Variants in C8B observed in about 807,000 individuals in gnomAD.
The protein encoded by C8B is complement component C8 beta chain.
A neutral mutation model predicts 64.6 loss-of-function variants in C8B; 67 were observed. The observed-to-expected ratio is 1.04, with a 90% confidence interval of 0.85 to 1.27. The LOEUF (loss-of-function observed/expected upper bound fraction) is 1.27, where lower values mean the gene tolerates loss of function less well. Among genes scored for constraint, C8B ranks in the 50% most tolerant of loss-of-function variants. The pLI, the probability that C8B is intolerant of heterozygous loss-of-function variation, is 0.00. For missense variants in C8B, 790 were observed against 725.2 expected (o/e 1.09, Z -1.03); for synonymous variants, 284 against 257.7 (o/e 1.10, Z -0.98).
At chr1:56,964,517 C>T (rs1645224386) in intron 1 of C8B, among the ~76,000 whole-genome samples, 1 of 152,142 alleles carries the variant, frequency 6.6e-6, no homozygotes, top group Non-Finnish European at 1.5e-5. Flanking sequence ...TGTGCTGCTC[C>T]CTCTACCTGG....
Position 56,952,118 on chromosome 1 carries a change from C to A in C8B, c.596G>T (p.Gly199Val). The change falls in exon 5 of 12, where the codon GGA becomes GTA. Residue 199 changes from glycine to valine, a missense_variant. By Grantham distance (109) the Gly-to-Val change is moderately radical. Coordinates refer to ENST00000371237, the MANE Select transcript of C8B (RefSeq NM_000066.4). ...PVLDHRYYAG[G>V]CSPHYILNTR... ...GTTCAGGATGTAATGCGGGGAGCAT[C>A]CACCTGCATAATACCTGTGATCAAG... is the stretch of plus-strand genomic sequence containing the variant. The A allele has an allele frequency of 2.0e-5, 33 of 1,614,160 alleles. No homozygotes were observed. The highest frequency in any genetic ancestry group is 2.8e-5 in the Non-Finnish European group (33 of 1,180,020).
chr1:56,937,674 AT>A (rs372649227), intron 9 of C8B, among the ~76,000 whole-genome samples: 2 of 152,054 alleles, frequency 1.3e-5, no homozygotes, highest in South Asian at 4.1e-4. Flanking sequence ...AAAACAAATA[AT>A]TTTTTTTAGT....
chr1:56,957,367 A>G (rs1645118521), intron 2 of C8B, among the ~76,000 whole-genome samples: 1 of 152,228 alleles, frequency 6.6e-6, no homozygotes, highest in Non-Finnish European at 1.5e-5. Flanking sequence ...TCAGTATATT[A>G]TAAATGCAAA....
At chr1:56,946,515 T>G (rs1570389065) in intron 6 of C8B, among the ~76,000 whole-genome samples, 1 of 152,314 alleles carries the variant, frequency 6.6e-6, no homozygotes, top group East Asian at 1.9e-4. Flanking sequence ...AAATACAGCC[T>G]CATACCAAAC....
chr1:56,929,377 G>T lies in C8B; in HGVS notation c.*27C>A, dbSNP rs760572723. On this transcript the variant is annotated 3_prime_UTR_variant, in exon 12 of 12. Coordinates refer to ENST00000371237, the MANE Select transcript of C8B (RefSeq NM_000066.4). ...TTCTTGAGGGCTCAGGGCTCTCATT[G>T]TATGTAGCCCACTGCTGTATCATCT... 2 of 1,610,776 alleles carry T rather than the reference G, an allele frequency of 1.2e-6. No individual in the cohort carries two copies. The highest frequency in any genetic ancestry group is 1.7e-6 in the Non-Finnish European group (2 of 1,178,786).
At chr1:56,929,780 C>A (rs559439178) in intron 11 of C8B, among the ~76,000 whole-genome samples, 166 of 152,288 alleles carry the variant, frequency 1.1e-3, no homozygotes, top group African/African-American at 3.6e-3. Context: ...CTCCTCTACT[C>A]ACCTGGTCAA....
chr1:56,940,877 T>A lies in C8B; in HGVS notation c.1370A>T (p.Gln457Leu). The change falls in exon 9 of 12, where the codon CAG becomes CTG. Residue 457 changes from glutamine to leucine, a missense_variant. Coordinates refer to ENST00000371237, the MANE Select transcript of C8B (RefSeq NM_000066.4). ...DLMQEWGDAV[Q>L]YNPAIIKVKV... ...AACTTTGATGATGGCTGGGTTGTAC[T>A]GCACAGCGTCTCCCCACTCCTGCAT... 3.7e-6 allele frequency: 6 copies of A among 1,614,066 alleles called. No individual in the cohort carries two copies. The African/African-American group carries it at 8.0e-5, about 22-fold the overall frequency.
At position 56,949,582 on chromosome 1, in the gene C8B, A is replaced by C. The variant is rs762754727; in HGVS notation, c.837T>G (p.Ile279Met). The change falls in exon 6 of 12, where the codon ATT (isoleucine) becomes ATG (methionine). Residue 279 changes from isoleucine to methionine, a missense_variant. Coordinates refer to ENST00000371237, the MANE Select transcript of C8B (RefSeq NM_000066.4). ...TATGAGAGAATCGTTTGGTTCTCCT[A>C]ATATAGTGTTTGCCTCGATCACTTT... is the stretch of plus-strand genomic sequence containing the variant. Reference protein sequence around the residue: ...SSQSDRGKHYIRRTKRFSHTK... With the variant: ...SSQSDRGKHYMRRTKRFSHTK... The C allele has an allele frequency of 1.2e-6, 2 of 1,613,988 alleles. No individual in the cohort carries two copies. Among genetic ancestry groups the C allele is most frequent in the South Asian group, 2.2e-5 (2 of 91,074 alleles).
At chr1:56,950,648 G>A (rs980680777) in intron 5 of C8B, among the ~76,000 whole-genome samples, 3 of 152,180 alleles carry the variant, frequency 2.0e-5, no homozygotes, top group African/African-American at 7.2e-5. Flanking sequence ...TCTACAGCAT[G>A]GCCACTGAGA....
chr1:56,942,008 T>C (rs1557731814), intron 8 of C8B, among the ~76,000 whole-genome samples: 2 of 152,234 alleles, frequency 1.3e-5, no homozygotes, highest in Non-Finnish European at 2.9e-5. Context: ...ATACTCTGCA[T>C]CCGTGTAAAG....
intron 9 of C8B, among the ~76,000 whole-genome samples, chr1:56,935,375 C>T (rs56359107): frequency 0.031 from 4,787 of 152,046 alleles, 265 homozygotes; most frequent in African/African-American, 0.11. Context: ...TTTGCTCCTC[C>T]CTCCTTAACT....
At chr1:56,931,560 GGCTTACAAAAGCCAC>G (rs1016764410) in intron 11 of C8B, 9 of 435,960 alleles carry the variant, frequency 2.1e-5, no homozygotes, top group Non-Finnish European at 3.0e-5. Flanking sequence ...CCAAAGAGAT[GGCTTACAAAAGCCAC>G]GCATTGATAT....
chr1:56,962,047 A>C (rs908473049), intron 1 of C8B, among the ~76,000 whole-genome samples: 1 of 152,154 alleles, frequency 6.6e-6, no homozygotes, highest in Non-Finnish European at 1.5e-5. Context: ...TTCAACTACA[A>C]AACTGTTACA....
intron 9 of C8B, among the ~76,000 whole-genome samples, chr1:56,935,144 T>C (rs1008045767): frequency 6.6e-6 from 1 of 152,158 alleles, no homozygotes; most frequent in Non-Finnish European, 1.5e-5. Context: ...CCAAAACCTG[T>C]TTTTCCTCCT....
chr1:56,947,249 A>G (rs562215119), intron 6 of C8B, among the ~76,000 whole-genome samples: 2 of 152,026 alleles, frequency 1.3e-5, no homozygotes, highest in South Asian at 2.1e-4. Flanking sequence ...CAGCTCCCCT[A>G]CTCTGAGTAT....
intron 8 of C8B, among the ~76,000 whole-genome samples, chr1:56,941,616 T>C (rs1644865844): frequency 6.6e-6 from 1 of 152,212 alleles, no homozygotes; most frequent in Non-Finnish European, 1.5e-5. Flanking sequence ...CAGGCTATGA[T>C]ATTTTCTTTT....
intron 1 of C8B, chr1:56,964,016 A>T (rs1160287083): frequency 1.0e-6 from 1 of 985,148 alleles, no homozygotes; most frequent in East Asian, 1.1e-4. Context: ...AGACAGCCCC[A>T]TGGGGATTAT....
chr1:56,944,791 T>C (rs969518137), intron 7 of C8B, among the ~76,000 whole-genome samples: 4 of 152,236 alleles, frequency 2.6e-5, no homozygotes, highest in African/African-American at 9.6e-5. Context: ...TGTAAAAATT[T>C]ACATGGTGTA....
At chr1:56,951,947 T>A in intron 5 of C8B, 101 bp downstream of exon 5, 1 of 1,380,076 alleles carries the variant, frequency 7.2e-7, no homozygotes, top group South Asian at 1.2e-5. Context: ...AAACTGAAGC[T>A]CAAAGAGAAA....
Sources: gnomAD v4.1 joint callset for allele counts (sites outside exome capture counted in the v4.1 genomes callset) on GRCh38, gnomAD v4.1.1 for gene constraint, MANE v1.5 for transcripts, NCBI Gene and HGNC (gene_info 2026-07-23, HGNC 2026-07-21) for gene names.